NMNAT3: variants seen among roughly 807,000 people sequenced by gnomAD.
NMNAT3 encodes nicotinamide nucleotide adenylyltransferase 3, also known as nicotinamide/nicotinic acid mononucleotide adenylyltransferase 3.
A neutral mutation model predicts 24.8 loss-of-function variants in NMNAT3; 21 were observed. The ratio of observed to expected loss-of-function variants is 0.85; its 90% confidence interval spans 0.60 to 1.22. NMNAT3 has a LOEUF of 1.22. Among genes scored for constraint, NMNAT3 ranks in the 50% most tolerant of loss-of-function variants. The pLI is 0.00. For missense variants in NMNAT3, 387 were observed against 436.6 expected (o/e 0.89, Z 1.01); for synonymous variants, 136 against 155.2 (o/e 0.88, Z 0.92).
At chr3:139,575,384 T>C (rs1001729165) in intron 5 of NMNAT3, among the ~76,000 whole-genome samples, 50 of 152,304 alleles carry the variant, frequency 3.3e-4, no homozygotes, top group African/African-American at 1.2e-3. Flanking sequence ...CTGAAGTAGA[T>C]TGAGTCTCAC....
intron 6 of NMNAT3, among the ~76,000 whole-genome samples, chr3:139,564,311 C>T (rs1326917365): frequency 6.6e-6 from 1 of 152,206 alleles, no homozygotes; most frequent in Non-Finnish European, 1.5e-5. Flanking sequence ...TGGGTCTAAA[C>T]AGGACATGAG....
At chr3:139,618,655 T>C (rs902662371) in intron 3 of NMNAT3, among the ~76,000 whole-genome samples, 10 of 152,232 alleles carry the variant, frequency 6.6e-5, no homozygotes, top group African/African-American at 2.4e-4. Flanking sequence ...GAAGAAAGAT[T>C]TACTTTTCTT....
At chr3:139,576,105 GT>G in intron 5 of NMNAT3, 1 of 1,257,132 alleles carries the variant, frequency 8.0e-7, no homozygotes, top group South Asian at 1.3e-5. Flanking sequence ...AGAGATGTTT[GT>G]TACTATGTCA....
chr3:139,576,205 C>G (rs1166103751), intron 5 of NMNAT3: 40 of 985,218 alleles, frequency 4.1e-5, no homozygotes, highest in Non-Finnish European at 4.7e-5. Context: ...TCTAAAACCA[C>G]CTGACTTTAC....
intron 3 of NMNAT3, among the ~76,000 whole-genome samples, chr3:139,608,994 G>A (rs1418589238): frequency 6.6e-6 from 1 of 152,196 alleles, no homozygotes; most frequent in Non-Finnish European, 1.5e-5. Context: ...GAATCACATA[G>A]TATGTAACCT....
intron 3 of NMNAT3, among the ~76,000 whole-genome samples, chr3:139,624,451 C>CTT (rs112859077): frequency 5.7e-5 from 8 of 141,456 alleles, no homozygotes; most frequent in African/African-American, 1.5e-4. Flanking sequence ...TTTATTGAGA[C>CTT]TTTTTTTTTT....
chr3:139,671,959 G>A (rs2057771739), intron 1 of NMNAT3, among the ~76,000 whole-genome samples: 1 of 152,100 alleles, frequency 6.6e-6, no homozygotes, highest in Non-Finnish European at 1.5e-5. Context: ...GCCACTTATT[G>A]AGCCCAAATT....
intron 3 of NMNAT3, among the ~76,000 whole-genome samples, chr3:139,593,476 A>C (rs1322702910): frequency 6.6e-6 from 1 of 152,230 alleles, no homozygotes; most frequent in Non-Finnish European, 1.5e-5. Flanking sequence ...AGACATCTAC[A>C]GAAGTCTCTA....
rs559999327 is a variant in NMNAT3, at chr3:139,562,862, C to T, written c.659-1470G>A. On this transcript the variant is annotated intron_variant, in intron 6 of 6. Coordinates refer to ENST00000643695, the MANE Select transcript of NMNAT3 (RefSeq NM_001320510.2). ...GAAACACACTTTTCAAATGCTCTAGCGGCATAATACTGGTCTAGTAAACGA... is the reference window on the plus strand; with the variant it reads ...GAAACACACTTTTCAAATGCTCTAGTGGCATAATACTGGTCTAGTAAACGA... 1.1e-4 allele frequency among the ~76,000 whole-genome samples: 16 copies of T among 152,278 alleles called. No homozygotes were observed. In the South Asian group the frequency reaches 1.2e-3, roughly 12 times the overall value.
intron 2 of NMNAT3, chr3:139,637,301 C>G (rs2056538095): frequency 6.6e-6 from 1 of 152,134 alleles, no homozygotes; most frequent in Admixed American, 6.5e-5. Flanking sequence ...GATGATAGAC[C>G]AGCCACTACA....
At chr3:139,630,863 A>T (rs1352423643) in intron 2 of NMNAT3, among the ~76,000 whole-genome samples, 4 of 152,014 alleles carry the variant, frequency 2.6e-5, no homozygotes, top group Non-Finnish European at 5.9e-5. Flanking sequence ...CCTCGTGATG[A>T]CTGTATCTGA....
chr3:139,569,902 TG>T (rs1937867274), intron 6 of NMNAT3: 1 of 152,224 alleles, frequency 6.6e-6, no homozygotes, highest in Admixed American at 6.5e-5. Flanking sequence ...CTTGCTAGAC[TG>T]GGGAAGTTCT....
intron 5 of NMNAT3, chr3:139,575,539 G>A (rs925742715): frequency 1.0e-6 from 1 of 976,306 alleles, no homozygotes; most frequent in Non-Finnish European, 1.2e-6. Context: ...GGCACACATA[G>A]AGGGTGATTA....
At chr3:139,562,177 G>A (rs1374390658) in intron 6 of NMNAT3, among the ~76,000 whole-genome samples, 1 of 152,196 alleles carries the variant, frequency 6.6e-6, no homozygotes, top group Non-Finnish European at 1.5e-5. Flanking sequence ...AACTGAGGCA[G>A]AGAGAGATAA....
chr3:139,597,652 A>G (rs2054541228), intron 3 of NMNAT3, among the ~76,000 whole-genome samples: 1 of 152,180 alleles, frequency 6.6e-6, no homozygotes, highest in South Asian at 2.1e-4. Context: ...CTCTGCCATT[A>G]TAGTATTATA....
At chr3:139,674,387 G>T (rs2057857188) in intron 1 of NMNAT3, among the ~76,000 whole-genome samples, 1 of 152,156 alleles carries the variant, frequency 6.6e-6, no homozygotes, top group Admixed American at 6.5e-5. Flanking sequence ...AACCAATGGG[G>T]CAGGAGCTGC....
chr3:139,580,234 A>G (rs1007350155), intron 4 of NMNAT3, among the ~76,000 whole-genome samples: 6 of 144,596 alleles, frequency 4.1e-5, no homozygotes, highest in Admixed American at 2.0e-4. Context: ...GCAGTGGTGC[A>G]ATCTCAGCCT....
At chr3:139,592,932 T>G (rs939191668) in intron 3 of NMNAT3, among the ~76,000 whole-genome samples, 2 of 152,168 alleles carry the variant, frequency 1.3e-5, no homozygotes, top group Non-Finnish European at 2.9e-5. Flanking sequence ...AATAACCAGC[T>G]AACATCATAA....
intron 3 of NMNAT3, among the ~76,000 whole-genome samples, chr3:139,615,931 G>T (rs1448858019): frequency 1.3e-5 from 2 of 152,028 alleles, no homozygotes; most frequent in East Asian, 3.9e-4. Context: ...GCTCCCCCAG[G>T]GCTGCTTGTC....
Sources: allele counts gnomAD v4.1 joint callset (sites outside exome capture counted in the v4.1 genomes callset), GRCh38; gene constraint gnomAD v4.1.1; transcripts MANE v1.5; gene names NCBI Gene and HGNC (gene_info 2026-07-23, HGNC 2026-07-21).